Variants in ITGB8 observed in about 807,000 individuals in gnomAD.
ITGB8 encodes the protein integrin beta-8.
ITGB8 carries 30 observed loss-of-function variants against 89.5 expected under a neutral mutation model. That is an observed-to-expected ratio of 0.34 (90% CI 0.25 to 0.45). The LOEUF is 0.45. Ranked by LOEUF, ITGB8 falls within the 20% of genes least tolerant of loss-of-function variation. The probability of loss-of-function intolerance (pLI) is 1.00; values close to 1 mark genes in which losing one functional copy is unlikely to be tolerated. For synonymous variants in ITGB8, 335 were observed against 320.4 expected, an observed-to-expected ratio of 1.05 and a Z score of -0.49; for missense variants, 836 against 933.3, an observed-to-expected ratio of 0.90 and a Z score of 1.36.
At chr7:20,389,519 C>T (rs951965719) in intron 6 of ITGB8, among the ~76,000 whole-genome samples, 1 of 152,102 alleles carries the variant, frequency 6.6e-6, no homozygotes, top group African/African-American at 2.4e-5. Context: ...TTTTAGAGTG[C>T]CACTTAAATA....
At chr7:20,398,028 G>C (rs1787160763) in intron 8 of ITGB8, among the ~76,000 whole-genome samples, 1 of 151,336 alleles carries the variant, frequency 6.6e-6, no homozygotes, top group Non-Finnish European at 1.5e-5. Flanking sequence ...GGAATAAAAT[G>C]CACACAGATC....
intron 3 of ITGB8, 67 bp from the exon 4 acceptor site, chr7:20,378,979 CTAATT>C: frequency 8.0e-7 from 1 of 1,257,474 alleles, no homozygotes; most frequent in South Asian, 1.7e-5. Context: ...TAGAATGTGA[CTAATT>C]TATTAAGAGC....
At chr7:20,394,550 A>T (rs1786992116) in intron 7 of ITGB8, among the ~76,000 whole-genome samples, 1 of 152,190 alleles carries the variant, frequency 6.6e-6, no homozygotes. Context: ...TCCCAAGCTC[A>T]TTTGCCCTCA....
At chr7:20,346,094 G>A (rs1343546901) in intron 1 of ITGB8, among the ~76,000 whole-genome samples, 1 of 152,156 alleles carries the variant, frequency 6.6e-6, no homozygotes, top group East Asian at 1.9e-4. Flanking sequence ...GGGGTGGGAT[G>A]ATTAGGGGAT....
rs779475229 is a variant in ITGB8 at position 20,395,004 on chromosome 7, C to T, written c.1146+19C>T. On this transcript the variant is annotated intron_variant, in intron 8 of 13. Coordinates refer to ENST00000222573, the MANE Select transcript of ITGB8 (RefSeq NM_002214.3). ...CTATCAGGTATGTATATATTAGATA[C>T]AATTTTTTAAATAAAATTTTTACCT... 4.8e-6 allele frequency: 7 copies of T among 1,461,678 alleles called. No individual in the cohort carries two copies. The African/African-American group carries it at 8.4e-5, about 18-fold the overall frequency. The allele number at this position is 1,461,678 out of a possible 1,614,324, so 90.5% of individuals were successfully genotyped here.
chr7:20,362,787 A>G (rs1785554123), intron 1 of ITGB8, among the ~76,000 whole-genome samples: 1 of 152,228 alleles, frequency 6.6e-6, no homozygotes, highest in Non-Finnish European at 1.5e-5. Context: ...AACTCATGAT[A>G]AAATGATGTA....
upstream of ITGB8, chr7:20,329,782 C>G (rs1051654300): frequency 4.6e-5 from 7 of 152,080 alleles, no homozygotes; most frequent in Non-Finnish European, 1.0e-4. Flanking sequence ...CGCTCCTGCC[C>G]CTAGAGGGAA....
At chr7:20,395,031 A>C in intron 8 of ITGB8, 46 bp downstream of exon 8, 2 of 1,135,658 alleles carry the variant, frequency 1.8e-6, no homozygotes, top group African/African-American at 3.1e-5. Context: ...TTTTTACCTC[A>C]ATTTCTGTGA....
intron 9 of ITGB8, 161 bp downstream of exon 9, chr7:20,399,155 A>AC: frequency 1.4e-6 from 1 of 695,292 alleles, no homozygotes; most frequent in South Asian, 2.1e-5. Context: ...CAAAGTTCCT[A>AC]CTTGTTTTAG....
intron 10 of ITGB8, among the ~76,000 whole-genome samples, chr7:20,403,599 C>G (rs1044789265): frequency 1.3e-5 from 2 of 152,164 alleles, no homozygotes; most frequent in Non-Finnish European, 2.9e-5. Context: ...AGGGCTTGGC[C>G]GACATTTGTC....
At chr7:20,342,952 A>T (rs1482174988) in intron 1 of ITGB8, among the ~76,000 whole-genome samples, 2 of 152,174 alleles carry the variant, frequency 1.3e-5, no homozygotes, top group Non-Finnish European at 2.9e-5. Context: ...GAGACATCCT[A>T]TTGCCTCAGT....
chr7:20,395,108 G>A (rs1356990095), intron 8 of ITGB8, 123 bp downstream of exon 8: 21 of 602,514 alleles, frequency 3.5e-5, no homozygotes, highest in Admixed American at 5.3e-5. Flanking sequence ...TTAGGAATTA[G>A]GAATCTGAAG....
rs747133643 is a variant in ITGB8 at position 20,331,880 on chromosome 7, C to T, written c.74C>T (p.Ser25Leu). The change falls in exon 1 of 14, where the codon TCG (serine) becomes TTG (leucine). Residue 25 changes from serine to leucine, a missense_variant. Around this residue, in one of 5 missense-constraint regions of ITGB8, gnomAD observed 182 missense variants for 177.0 expected, o/e 1.03. Transcript: ENST00000222573. ...CLQNDRRGPA[S>L]FLWAAWVFSL... The stretch of plus-strand genomic sequence containing the variant: ...CAAAACGACCGGCGAGGTCCCGCCT[C>T]GTTCCTCTGGGCAGCCTGGGTGTTT... 1 of 1,614,148 alleles carries T rather than the reference C, an allele frequency of 6.2e-7. No individual in the cohort carries two copies.
intron 10 of ITGB8, 37 bp downstream of exon 10, chr7:20,402,163 A>T (rs1471605572): frequency 2.0e-6 from 3 of 1,510,202 alleles, no homozygotes; most frequent in Non-Finnish European, 2.7e-6. Context: ...TTTACTTGTC[A>T]CTATTACACC....
In ITGB8 at chr7:20,406,044, TTC is replaced by T; in HGVS notation, c.1914-16_1914-15del. On this transcript the variant is annotated splice_polypyrimidine_tract_variant and intron_variant, in intron 11 of 13. Coordinates refer to ENST00000222573, the MANE Select transcript of ITGB8 (RefSeq NM_002214.3). ...CTTTTTAAAGAATAAATATTTTCACTTCTGTTTCCCCTTGCAGGAATTGTATG... is the reference window on the plus strand; with the variant it reads ...CTTTTTAAAGAATAAATATTTTCACTTGTTTCCCCTTGCAGGAATTGTATG... 1 of 1,421,370 alleles carries T rather than the reference TTC, an allele frequency of 7.0e-7. No homozygotes were observed. The highest frequency in any genetic ancestry group is 1.0e-6 in the Non-Finnish European group (1 of 1,004,266). The allele number at this position is 1,421,370 out of a possible 1,614,324, so 88.0% of individuals were successfully genotyped here.
intron 2 of ITGB8, chr7:20,365,663 G>A (rs1785666592): frequency 3.3e-5 from 5 of 152,242 alleles, no homozygotes; most frequent in Admixed American, 3.3e-4. Context: ...TAGGAGGATT[G>A]CCTGCATTAA....
chr7:20,375,368 A>AG (rs1786097926), intron 3 of ITGB8, among the ~76,000 whole-genome samples: 1 of 152,120 alleles, frequency 6.6e-6, no homozygotes, highest in Non-Finnish European at 1.5e-5. Context: ...CCAAAAAAAA[A>AG]AGGAAAATTA....
At chr7:20,408,729 G>T (rs533400319) in intron 12 of ITGB8, among the ~76,000 whole-genome samples, 4 of 152,124 alleles carry the variant, frequency 2.6e-5, no homozygotes, top group Non-Finnish European at 2.9e-5. Context: ...TTAGATTAGG[G>T]TAATGCCTCT....
chr7:20,390,873 C>T (rs763966197), intron 6 of ITGB8, among the ~76,000 whole-genome samples: 11 of 151,752 alleles, frequency 7.2e-5, no homozygotes, highest in Admixed American at 2.6e-4. Context: ...TTCTAAAGAG[C>T]GTTACTATAT....
Sources: gnomAD v4.1 joint callset for allele counts (sites outside exome capture counted in the v4.1 genomes callset) on GRCh38, gnomAD v4.1.1 for gene constraint, gnomAD v4.1.1 regional missense constraint, MANE v1.5 for transcripts, NCBI Gene and HGNC (gene_info 2026-07-23, HGNC 2026-07-21) for gene names.